Variants in EXTL3 observed in about 807,000 individuals in gnomAD.
EXTL3 encodes exostosin-like 3.
EXTL3 carries 27 observed loss-of-function variants against 69.3 expected under a neutral mutation model. The observed-to-expected ratio is 0.39, with a 90% CI of 0.29 to 0.54. The LOEUF (loss-of-function observed/expected upper bound fraction) is 0.54. Ranked by LOEUF, EXTL3 falls within the 20% of genes least tolerant of loss-of-function variation. The pLI is 0.69. For synonymous variants in EXTL3, 511 were observed against 499.4 expected (o/e 1.02, Z -0.31); for missense variants, 1,003 against 1,231.8 (o/e 0.81, Z 2.78).
At chr8:28,674,708 G>A (rs1807351544) in intron 1 of EXTL3, among the ~76,000 whole-genome samples, 1 of 152,158 alleles carries the variant, frequency 6.6e-6, no homozygotes, top group Non-Finnish European at 1.5e-5. Context: ...TTGGGATGGG[G>A]ATGTTTGGGA....
At chr8:28,703,500 A>G (rs1351306187) in intron 1 of EXTL3, among the ~76,000 whole-genome samples, 1 of 152,162 alleles carries the variant, frequency 6.6e-6, no homozygotes, top group Non-Finnish European at 1.5e-5. Context: ...GCAGAAGACT[A>G]GAGAGAGACC....
At chr8:28,723,345 G>A (rs962770691) in intron 3 of EXTL3, among the ~76,000 whole-genome samples, 1 of 152,132 alleles carries the variant, frequency 6.6e-6, no homozygotes, top group Non-Finnish European at 1.5e-5. Context: ...GGCTATAGCT[G>A]TGGGTTTCTG....
intron 1 of EXTL3, among the ~76,000 whole-genome samples, chr8:28,692,281 G>T (rs1403407412): frequency 1.3e-5 from 2 of 152,094 alleles, no homozygotes; most frequent in African/African-American, 4.8e-5. Flanking sequence ...TTTTCATTTG[G>T]TTCCACTTTT....
intron 1 of EXTL3, among the ~76,000 whole-genome samples, chr8:28,668,324 CTTT>C (rs71549687): frequency 4.6e-4 from 38 of 82,548 alleles, no homozygotes; most frequent in African/African-American, 1.9e-3. Flanking sequence ...AGAGTTGTTA[CTTT>C]TTTTTTTTTT....
At chr8:28,657,575 T>A (rs1585234935) in intron 1 of EXTL3, among the ~76,000 whole-genome samples, 1 of 152,234 alleles carries the variant, frequency 6.6e-6, no homozygotes, top group Non-Finnish European at 1.5e-5. Flanking sequence ...TCCTTCAAGG[T>A]TTCTGGACTA....
intron 3 of EXTL3, among the ~76,000 whole-genome samples, chr8:28,722,044 T>TG (rs1801301824): frequency 6.6e-6 from 1 of 152,126 alleles, no homozygotes; most frequent in Non-Finnish European, 1.5e-5. Context: ...GCAGGGTGCC[T>TG]TGGAAGGGGG....
intron 1 of EXTL3, among the ~76,000 whole-genome samples, chr8:28,661,267 A>G (rs925878755): frequency 1.3e-5 from 2 of 151,980 alleles, no homozygotes; most frequent in African/African-American, 4.8e-5. Context: ...AATTTTGGTC[A>G]TTGTATACAG....
chr8:28,741,713 C>T (rs1157015685), intron 5 of EXTL3: 1 of 152,116 alleles, frequency 6.6e-6, no homozygotes, highest in Non-Finnish European at 1.5e-5. Flanking sequence ...CTTGGCCTCC[C>T]AAACAAAGTG....
At chr8:28,662,144 G>A (rs574732079) in intron 1 of EXTL3, among the ~76,000 whole-genome samples, 7 of 151,978 alleles carry the variant, frequency 4.6e-5, no homozygotes, top group African/African-American at 1.2e-4. Context: ...GAATCTCATC[G>A]TGTTTGATTC....
chr8:28,618,046 AC>A (rs1806350718), upstream of EXTL3, among the ~76,000 whole-genome samples: 1 of 152,216 alleles, frequency 6.6e-6, no homozygotes, highest in Admixed American at 6.5e-5. Context: ...ATGGGTGATG[AC>A]AAGCTTTGGA....
chr8:28,755,880 T>C (rs1802113559), downstream of EXTL3, among the ~76,000 whole-genome samples: 1 of 152,246 alleles, frequency 6.6e-6, no homozygotes. Flanking sequence ...AAATCATTTC[T>C]AGGGCATAAA....
At chr8:28,733,533 A>G (rs1302909032) in intron 4 of EXTL3, among the ~76,000 whole-genome samples, 2 of 150,396 alleles carry the variant, frequency 1.3e-5, no homozygotes, top group Admixed American at 6.6e-5. Context: ...CTACAGGCTC[A>G]CATTACCACA....
In EXTL3 at chr8:28,716,835, A is replaced by G. The variant is rs990390667; in HGVS notation, c.776A>G (p.Gln259Arg). 5 of 1,614,250 alleles carry G rather than the reference A, an allele frequency of 3.1e-6. No individual in the cohort carries two copies. The highest frequency in any genetic ancestry group is 4.2e-6 in the Non-Finnish European group (5 of 1,180,052). ...CTGCGGCCTGCTGAGCTGGAGAAGC[A>G]GTTGTATTCCCTGCCACACTGGCGG... ...VVLRPAELEK[Q>R]LYSLPHWRTD... The change falls in exon 3 of 7, where the codon CAG becomes CGG. Residue 259 changes from glutamine (Q) to arginine (R), a missense_variant. Physicochemically the swap from Gln to Arg is conservative, Grantham distance 43. This residue lies in a region of EXTL3 where 742 missense variants were observed against 815.4 expected (regional missense o/e 0.91). Transcript: ENST00000220562. The surrounding 1 kb of genome is among the most constrained non-coding windows in gnomAD (Gnocchi z 7.1).
rs1477625189 is a variant in EXTL3, at chr8:28,716,998, C to T, written c.939C>T (p.Asp313=). 1.2e-6 allele frequency: 2 copies of T among 1,614,256 alleles called. No individual in the cohort carries two copies. Among genetic ancestry groups the T allele is most frequent in the African/African-American group, 1.3e-5 (1 of 75,066 alleles). Residue 313 remains aspartate, a synonymous_variant, in exon 3 of 7, where the codon GAC becomes GAT. Coordinates refer to ENST00000220562, the MANE Select transcript of EXTL3 (RefSeq NM_001440.4). The surrounding 1 kb of genome is among the most constrained non-coding windows in gnomAD (Gnocchi z 7.1). ...FYTVQYRPGF[D]LVVSPLVHAM... Reference sequence around the variant, plus strand: ...CTGTCCAGTACAGACCTGGCTTTGACTTGGTCGTATCACCGCTGGTCCATG... The same window carrying T: ...CTGTCCAGTACAGACCTGGCTTTGATTTGGTCGTATCACCGCTGGTCCATG...
At chr8:28,708,163 C>T (rs1387266049) in intron 1 of EXTL3, among the ~76,000 whole-genome samples, 2 of 152,186 alleles carry the variant, frequency 1.3e-5, no homozygotes, top group Non-Finnish European at 2.9e-5. Flanking sequence ...GGCTCAAACT[C>T]TGGTTCTCTG....
intron 3 of EXTL3, among the ~76,000 whole-genome samples, chr8:28,725,954 G>GTTT (rs1040073259): frequency 7.5e-6 from 1 of 133,148 alleles, no homozygotes; most frequent in Non-Finnish European, 1.6e-5. Flanking sequence ...ATTTAGAAGT[G>GTTT]TTTTTTTTTT....
intron 1 of EXTL3, among the ~76,000 whole-genome samples, chr8:28,648,334 T>A (rs1806866484): frequency 6.6e-6 from 1 of 152,140 alleles, no homozygotes; most frequent in Non-Finnish European, 1.5e-5. Flanking sequence ...ATTCCTCAGC[T>A]CCTCCAGCTC....
chr8:28,607,869 T>C (rs886651133), intron 2 of EXTL3: 1 of 152,254 alleles, frequency 6.6e-6, no homozygotes, highest in African/African-American at 2.4e-5. Context: ...TCCCAGCACT[T>C]TGGGAGGCCA....
chr8:28,714,436 GTGGTTGTGCCTC>G, intron 2 of EXTL3, among the ~76,000 whole-genome samples: 1 of 152,144 alleles, frequency 6.6e-6, no homozygotes, highest in Non-Finnish European at 1.5e-5. Context: ...GCTAGAGAAA[GTGGTTGTGCCTC>G]TGTGAAGTCC....
Sources: allele counts gnomAD v4.1 joint callset (sites outside exome capture counted in the v4.1 genomes callset), GRCh38; gene constraint gnomAD v4.1.1; regional missense constraint gnomAD v4.1.1; non-coding constraint Gnocchi (gnomAD v3.1); transcripts MANE v1.5; gene names NCBI Gene and HGNC (gene_info 2026-07-23, HGNC 2026-07-21).